Variants in NUS1 observed in about 807,000 individuals in gnomAD.
NUS1 encodes the protein dehydrodolichyl diphosphate synthase complex subunit NUS1.
For synonymous variants in NUS1, 135 were observed against 155.2 expected, an observed-to-expected ratio of 0.87 and a Z score of 0.97; for missense variants, 292 against 382.9, an observed-to-expected ratio of 0.76 and a Z score of 1.98.
intron 4 of NUS1, 45 bp downstream of exon 4, chr6:117,703,749 G>A (rs757270746): frequency 7.6e-7 from 1 of 1,315,776 alleles, no homozygotes; most frequent in Non-Finnish European, 1.1e-6. Context: ...TTCAGCAAGT[G>A]TTTCTTGAGT....
Position 117,675,500 on chromosome 6 carries a change from A to C in NUS1, c.-171A>C. 1.6e-6 allele frequency: 1 copy of C among 642,604 alleles called. No individual in the cohort carries two copies. The highest frequency in any genetic ancestry group is 2.6e-6 in the Non-Finnish European group (1 of 377,878). The allele number at this position is 642,604 out of a possible 1,614,324, so 39.8% of individuals were successfully genotyped here. On this transcript the variant is annotated 5_prime_UTR_variant, in exon 1 of 5. Coordinates refer to ENST00000368494, the MANE Select transcript of NUS1 (RefSeq NM_138459.5). ...CTGGGGGCGGGGCTGCCAAGGGAGG[A>C]GGAAGATGGCGGCGGGGGCGAGGTG...
chr6:117,685,384 CT>C (rs959779074), intron 1 of NUS1, among the ~76,000 whole-genome samples: 243 of 143,936 alleles, frequency 1.7e-3, no homozygotes, highest in African/African-American at 2.7e-3. Context: ...TTCTTTCTTT[CT>C]TTTTTTTTTT....
chr6:117,687,393 C>T lies in NUS1; in HGVS notation c.416-5649C>T, dbSNP rs115652928. Among the ~76,000 whole-genome samples, 878 of 152,160 alleles carry T rather than the reference C, an allele frequency of 5.8e-3. 12 individuals carry two copies. The highest frequency in any genetic ancestry group is 0.02 in the African/African-American group (842 of 41,504). ...TAAGACACATTCACAAATAAGACTA[C>T]AGTTGAGGGGAGGGTGGAGAGATTT... On this transcript the variant is annotated intron_variant, in intron 1 of 4. Coordinates refer to ENST00000368494, the MANE Select transcript of NUS1 (RefSeq NM_138459.5).
At chr6:117,697,887 CAAG>C (rs1773344231) in intron 3 of NUS1, among the ~76,000 whole-genome samples, 1 of 151,996 alleles carries the variant, frequency 6.6e-6, no homozygotes, top group Non-Finnish European at 1.5e-5. Flanking sequence ...GAAACATTCG[CAAG>C]AAGAGACCAT....
chr6:117,693,692 G>A (rs1182385845), intron 2 of NUS1, among the ~76,000 whole-genome samples: 2 of 151,952 alleles, frequency 1.3e-5, no homozygotes, highest in Admixed American at 6.6e-5. Flanking sequence ...TAACGATATC[G>A]CAATTATACA....
chr6:117,694,297 C>A, intron 3 of NUS1, 117 bp downstream of exon 3: 1 of 504,952 alleles, frequency 2.0e-6, no homozygotes, highest in Non-Finnish European at 3.2e-6. Context: ...CACCATAAAG[C>A]CTGATTCTTT....
At chr6:117,694,964 G>A (rs1439869029) in intron 3 of NUS1, among the ~76,000 whole-genome samples, 1 of 151,990 alleles carries the variant, frequency 6.6e-6, no homozygotes, top group Non-Finnish European at 1.5e-5. Context: ...GGAGGCTGAG[G>A]CAGGTGGATC....
chr6:117,698,688 G>A (rs916763803), intron 3 of NUS1, among the ~76,000 whole-genome samples: 22 of 152,184 alleles, frequency 1.4e-4, no homozygotes, highest in African/African-American at 5.1e-4. Context: ...GTATTACCAT[G>A]TTACCCAAAC....
In NUS1 at chr6:117,707,041, T is replaced by C. The variant is rs2114696052; in HGVS notation, c.*26T>C. 1 of 1,602,012 alleles carries C rather than the reference T, an allele frequency of 6.2e-7. No homozygotes were observed. Among genetic ancestry groups the C allele is most frequent in the East Asian group, 2.2e-5 (1 of 44,780 alleles). On this transcript the variant is annotated 3_prime_UTR_variant, in exon 5 of 5. Transcript: ENST00000368494. ...TGGTCATTGGTTGCATAATTTGATT[T>C]GAGGCTTGTGGAGGAAAGGAACCAA...
At position 117,693,968 on chromosome 6, in the gene NUS1, C is replaced by T. The variant is rs920245948; in HGVS notation, c.542-63C>T. The T allele has an allele frequency of 7.8e-6, 12 of 1,538,324 alleles. No individual in the cohort carries two copies. The East Asian group carries it at 2.8e-4, about 36-fold the overall frequency. Reference sequence around the variant, plus strand: ...TGGTTTAACCTTGTATTTCTTAAAACTGCTTTTGAAATATACCTGGAAGAG... The same window carrying T: ...TGGTTTAACCTTGTATTTCTTAAAATTGCTTTTGAAATATACCTGGAAGAG... On this transcript the variant is annotated intron_variant, in intron 2 of 4. Coordinates refer to ENST00000368494, the MANE Select transcript of NUS1 (RefSeq NM_138459.5).
chr6:117,678,021 A>C (rs1248220483), intron 1 of NUS1, among the ~76,000 whole-genome samples: 1 of 152,230 alleles, frequency 6.6e-6, no homozygotes, highest in Non-Finnish European at 1.5e-5. Context: ...CTACTAGTAC[A>C]GACTATAATG....
intron 1 of NUS1, among the ~76,000 whole-genome samples, chr6:117,677,294 G>A (rs1772998600): frequency 1.3e-5 from 2 of 152,202 alleles, no homozygotes; most frequent in Admixed American, 1.3e-4. Flanking sequence ...GAAGAGAGGA[G>A]AGAAATTGTG....
chr6:117,704,139 A>G (rs774057530), intron 4 of NUS1, among the ~76,000 whole-genome samples: 2 of 152,182 alleles, frequency 1.3e-5, no homozygotes, highest in African/African-American at 2.4e-5. Flanking sequence ...GTCAAGGCTC[A>G]GAAATCTTTA....
chr6:117,689,125 A>G (rs1397166761), intron 1 of NUS1, among the ~76,000 whole-genome samples: 3 of 152,198 alleles, frequency 2.0e-5, no homozygotes, highest in African/African-American at 7.2e-5. Context: ...GAGAACATTG[A>G]GACAAGTTGG....
chr6:117,681,412 G>A (rs1045838273), intron 1 of NUS1, among the ~76,000 whole-genome samples: 1 of 152,136 alleles, frequency 6.6e-6, no homozygotes, highest in African/African-American at 2.4e-5. Context: ...AAGAAGGGCC[G>A]CATTTCCTGT....
At chr6:117,687,025 C>T (rs1022204767) in intron 1 of NUS1, among the ~76,000 whole-genome samples, 5 of 152,126 alleles carry the variant, frequency 3.3e-5, no homozygotes, top group African/African-American at 4.8e-5. Context: ...GTCTTATCTA[C>T]ACTCTTAGCA....
chr6:117,691,554 T>TAG (rs1354523361), intron 1 of NUS1, among the ~76,000 whole-genome samples: 44 of 33,176 alleles, frequency 1.3e-3, no homozygotes, highest in African/African-American at 2.2e-3. Flanking sequence ...GTGCCATAGA[T>TAG]ATAGATATAT....
In NUS1 at chr6:117,707,141, A is replaced by C. The variant is rs189173604; in HGVS notation, c.*126A>C. ...TCATAATCCTCATAATTTATCAACA[A>C]ACACAAAAAAGTGTCTTACTTGAGA... is the stretch of plus-strand genomic sequence containing the variant. On this transcript the variant is annotated 3_prime_UTR_variant, in exon 5 of 5. Transcript: ENST00000368494. The C allele has an allele frequency of 3.3e-5, 28 of 841,060 alleles. No homozygotes were observed. The African/African-American group carries it at 4.1e-4, about 12-fold the overall frequency. 52.1% of individuals were successfully genotyped at this position (841,060 alleles called of 1,614,324 possible).
intron 1 of NUS1, among the ~76,000 whole-genome samples, chr6:117,680,772 T>C (rs1562174703): frequency 6.6e-6 from 1 of 152,222 alleles, no homozygotes; most frequent in Non-Finnish European, 1.5e-5. Flanking sequence ...GATTATTTGC[T>C]GTAAATTGGA....
Sources: gnomAD v4.1 joint callset for allele counts (sites outside exome capture counted in the v4.1 genomes callset) on GRCh38, gnomAD v4.1.1 for gene constraint, MANE v1.5 for transcripts, NCBI Gene and HGNC (gene_info 2026-07-23, HGNC 2026-07-21) for gene names.